NTRK2: variants seen among roughly 807,000 people sequenced by gnomAD.
NTRK2 encodes the protein BDNF/NT-3 growth factors receptor.
Under a neutral mutation model 94.5 loss-of-function variants are expected in NTRK2, and 13 were observed. That is an observed-to-expected ratio of 0.14 (90% CI 0.09 to 0.22). The LOEUF (loss-of-function observed/expected upper bound fraction) is 0.22. Among genes scored for constraint, NTRK2 ranks in the 10% least tolerant of loss-of-function variants. The pLI is 1.00. For synonymous variants in NTRK2, 372 were observed against 407.4 expected, an observed-to-expected ratio of 0.91 and a Z score of 1.05; for missense variants, 639 against 1,071.2, an observed-to-expected ratio of 0.60 and a Z score of 5.63.
At chr9:84,802,821 A>C (rs2070659794) in intron 12 of NTRK2, among the ~76,000 whole-genome samples, 1 of 152,182 alleles carries the variant, frequency 6.6e-6, no homozygotes, top group African/African-American at 2.4e-5. Context: ...TGCCGTTGAC[A>C]GTATCCTGAG....
chr9:84,959,858 C>T (rs1019130465), intron 17 of NTRK2, among the ~76,000 whole-genome samples: 2 of 152,102 alleles, frequency 1.3e-5, no homozygotes, highest in Admixed American at 1.3e-4. Flanking sequence ...GCATTGAGAC[C>T]ATTTAAATTT....
At chr9:84,785,489 A>G (rs2068031436) in intron 12 of NTRK2, among the ~76,000 whole-genome samples, 1 of 152,220 alleles carries the variant, frequency 6.6e-6, no homozygotes, top group South Asian at 2.1e-4. Context: ...TAGCCCTTGC[A>G]GTCAAGTGGC....
chr9:84,781,527 T>C (rs2133042215), intron 12 of NTRK2, among the ~76,000 whole-genome samples: 1 of 152,304 alleles, frequency 6.6e-6, no homozygotes, highest in East Asian at 1.9e-4. Context: ...AATGTGAATT[T>C]TGAGATTAAT....
At chr9:85,012,866 T>C (rs1831781800) in intron 17 of NTRK2, among the ~76,000 whole-genome samples, 1 of 152,220 alleles carries the variant, frequency 6.6e-6, no homozygotes, top group Non-Finnish European at 1.5e-5. Context: ...GAGTAGTTAT[T>C]GAATGATGTA....
chr9:84,858,275 C>G (rs529060684), intron 12 of NTRK2, among the ~76,000 whole-genome samples: 3 of 152,264 alleles, frequency 2.0e-5, no homozygotes, highest in South Asian at 4.1e-4. Flanking sequence ...CACCCTGCAG[C>G]CAAAATGATT....
At chr9:85,005,702 T>C (rs1830887460) in intron 17 of NTRK2, among the ~76,000 whole-genome samples, 1 of 152,200 alleles carries the variant, frequency 6.6e-6, no homozygotes, top group African/African-American at 2.4e-5. Flanking sequence ...CTGGGCTTTT[T>C]TGTACCTGCT....
chr9:84,833,277 A>T (rs1176590277), intron 12 of NTRK2, among the ~76,000 whole-genome samples: 1 of 152,148 alleles, frequency 6.6e-6, no homozygotes, highest in Non-Finnish European at 1.5e-5. Flanking sequence ...CATGCCTGGG[A>T]TCCACACTAG....
At chr9:84,803,795 G>T (rs1284250606) in intron 12 of NTRK2, among the ~76,000 whole-genome samples, 1 of 152,156 alleles carries the variant, frequency 6.6e-6, no homozygotes, top group African/African-American at 2.4e-5. Context: ...CCCCACATAT[G>T]TATGTTTCGC....
upstream of NTRK2, chr9:84,668,659 C>G (rs1037518116): frequency 1.3e-5 from 2 of 152,272 alleles, no homozygotes; most frequent in African/African-American, 4.8e-5. Context: ...CCTAATTTGT[C>G]CCTAGTGAGA....
At chr9:84,782,884 G>C (rs1172038154) in intron 12 of NTRK2, among the ~76,000 whole-genome samples, 1 of 152,134 alleles carries the variant, frequency 6.6e-6, no homozygotes, top group Admixed American at 6.6e-5. Flanking sequence ...ATCAAGTCAC[G>C]ATGCTTAATC....
At chr9:84,760,859 A>G (rs2065502380) in intron 12 of NTRK2, among the ~76,000 whole-genome samples, 4 of 152,238 alleles carry the variant, frequency 2.6e-5, no homozygotes, top group Admixed American at 2.6e-4. Context: ...TACAGAAAGG[A>G]TTATAACTGC....
chr9:84,806,494 AC>A (rs2071127375), intron 12 of NTRK2, among the ~76,000 whole-genome samples: 1 of 152,192 alleles, frequency 6.6e-6, no homozygotes, highest in African/African-American at 2.4e-5. Flanking sequence ...CAAGACCAGG[AC>A]CTAAATTTAT....
chr9:85,024,309 A>G lies in NTRK2; in HGVS notation c.*2872A>G. ...TAGAAGAGTGGCATCCTCGTTCTAA[A>G]ATGTAATGATCACCAAATACGGCCT... is the stretch of plus-strand genomic sequence containing the variant. On this transcript the variant is annotated 3_prime_UTR_variant, in exon 19 of 19. Transcript: ENST00000277120. 4.3e-6 allele frequency: 1 copy of G among 233,050 alleles called. No homozygotes were observed. Among genetic ancestry groups the G allele is most frequent in the Non-Finnish European group, 8.5e-6 (1 of 117,906 alleles). 14.4% of individuals were successfully genotyped at this position (233,050 alleles called of 1,614,324 possible).
intron 12 of NTRK2, among the ~76,000 whole-genome samples, chr9:84,808,318 C>G (rs2071363831): frequency 6.6e-6 from 1 of 152,194 alleles, no homozygotes; most frequent in Non-Finnish European, 1.5e-5. Context: ...CTGCTGTAAA[C>G]ATGCTGGGAT....
chr9:85,008,430 C>T (rs1831204432), intron 17 of NTRK2, among the ~76,000 whole-genome samples: 1 of 152,178 alleles, frequency 6.6e-6, no homozygotes, highest in African/African-American at 2.4e-5. Context: ...ACAGTCCCTG[C>T]CACAATGGGG....
intron 12 of NTRK2, among the ~76,000 whole-genome samples, chr9:84,834,346 T>C (rs1054550130): frequency 1.3e-5 from 2 of 152,180 alleles, no homozygotes; most frequent in African/African-American, 4.8e-5. Flanking sequence ...ATCAAATCAA[T>C]TTAAAATAGC....
intron 12 of NTRK2, among the ~76,000 whole-genome samples, chr9:84,848,723 G>A (rs73474464): frequency 0.028 from 4,249 of 152,124 alleles, 229 homozygotes; most frequent in African/African-American, 0.097. Context: ...CAACATACCC[G>A]GCGCCAAATG....
At chr9:84,842,562 C>T (rs2074246427) in intron 12 of NTRK2, among the ~76,000 whole-genome samples, 1 of 152,110 alleles carries the variant, frequency 6.6e-6, no homozygotes, top group Admixed American at 6.6e-5. Flanking sequence ...GTTTTCCACC[C>T]ATAGTGCTGC....
chr9:84,971,435 G>A (rs1385960713), intron 17 of NTRK2, among the ~76,000 whole-genome samples: 1 of 152,190 alleles, frequency 6.6e-6, no homozygotes, highest in Non-Finnish European at 1.5e-5. Flanking sequence ...ATCTAACCAG[G>A]TTAGATTCCT....
Sources: gnomAD v4.1 joint callset for allele counts (sites outside exome capture counted in the v4.1 genomes callset) on GRCh38, gnomAD v4.1.1 for gene constraint, MANE v1.5 for transcripts, NCBI Gene and HGNC (gene_info 2026-07-23, HGNC 2026-07-21) for gene names.